The following PIP5K1B variants were observed in gnomAD, a reference collection of about 807,000 sequenced individuals.
The protein encoded by PIP5K1B is phosphatidylinositol 4-phosphate 5-kinase type-1 beta.
Under a neutral mutation model 67.0 loss-of-function variants are expected in PIP5K1B, and 42 were observed. The ratio of observed to expected loss-of-function variants is 0.63; its 90% CI spans 0.49 to 0.81. PIP5K1B has a LOEUF of 0.81. PIP5K1B is among the 30% of genes least tolerant of loss of function. PIP5K1B has a pLI of 0.00. For missense variants in PIP5K1B, 459 were observed against 646.3 expected (o/e 0.71, Z 3.14); for synonymous variants, 214 against 231.4 (o/e 0.92, Z 0.68).
chr9:68,841,480 A>G (rs1188817333), intron 4 of PIP5K1B, among the ~76,000 whole-genome samples: 4 of 152,344 alleles, frequency 2.6e-5, no homozygotes, highest in East Asian at 3.9e-4. Flanking sequence ...TATAGAGTCA[A>G]GTGATCCCTA....
intron 14 of PIP5K1B, 68 bp from the exon 15 acceptor site, chr9:68,991,072 G>A: frequency 1.1e-6 from 1 of 880,550 alleles, no homozygotes; most frequent in South Asian, 1.3e-5. Flanking sequence ...CCCTCTTTAG[G>A]ACTTTGGAGG....
intron 3 of PIP5K1B, among the ~76,000 whole-genome samples, chr9:68,819,579 TATA>T: frequency 6.6e-6 from 1 of 152,346 alleles, no homozygotes; most frequent in Non-Finnish European, 1.5e-5. Flanking sequence ...AACGTAATTA[TATA>T]ATGTTTTTTA....
chr9:68,964,888 G>A (rs760360282), intron 14 of PIP5K1B, among the ~76,000 whole-genome samples: 2 of 152,186 alleles, frequency 1.3e-5, no homozygotes, highest in African/African-American at 4.8e-5. Flanking sequence ...CCTGATAGAC[G>A]GAAAAATAAG....
intron 5 of PIP5K1B, among the ~76,000 whole-genome samples, chr9:68,867,523 C>T (rs1032198149): frequency 1.5e-4 from 23 of 152,312 alleles, no homozygotes; most frequent in African/African-American, 4.1e-4. Flanking sequence ...CAAGACAGTA[C>T]CTTTCAGGAG....
At chr9:68,887,534 C>T (rs1019399196) in intron 6 of PIP5K1B, among the ~76,000 whole-genome samples, 19 of 152,160 alleles carry the variant, frequency 1.2e-4, no homozygotes, top group African/African-American at 3.9e-4. Context: ...ATTTTTAGAT[C>T]TCACAAATAA....
chr9:68,778,084 T>C (rs191261973), intron 2 of PIP5K1B, among the ~76,000 whole-genome samples: 1 of 146,548 alleles, frequency 6.8e-6, no homozygotes, highest in African/African-American at 2.5e-5. Flanking sequence ...GAATTAGCCA[T>C]CCTTCTCTAA....
intron 4 of PIP5K1B, chr9:68,843,181 T>G (rs1185366596): frequency 6.6e-5 from 10 of 152,254 alleles, no homozygotes; most frequent in Admixed American, 2.6e-4. Flanking sequence ...ATCCATTCTT[T>G]ACACAAGCAG....
intron 1 of PIP5K1B, among the ~76,000 whole-genome samples, chr9:68,713,316 T>A (rs1289413332): frequency 1.3e-5 from 2 of 152,136 alleles, no homozygotes; most frequent in Non-Finnish European, 2.9e-5. Flanking sequence ...GGAGAATCGC[T>A]TGAACCCGGG....
chr9:68,864,776 A>C (rs1440318311), intron 5 of PIP5K1B, among the ~76,000 whole-genome samples: 3 of 152,262 alleles, frequency 2.0e-5, no homozygotes, highest in African/African-American at 4.8e-5. Flanking sequence ...CCAGAAAATA[A>C]AAATAAAGAT....
chr9:68,990,863 C>T (rs922954601), intron 14 of PIP5K1B, among the ~76,000 whole-genome samples: 1 of 151,852 alleles, frequency 6.6e-6, no homozygotes, highest in Non-Finnish European at 1.5e-5. Context: ...GGGGTTTCAC[C>T]ATGTTGGCCA....
intron 1 of PIP5K1B, among the ~76,000 whole-genome samples, chr9:68,715,740 G>A (rs964589623): frequency 8.5e-5 from 13 of 152,132 alleles, no homozygotes; most frequent in South Asian, 4.2e-4. Context: ...AATCCTTTTC[G>A]TAAATTCCCA....
chr9:68,977,809 C>T (rs1333037361), intron 14 of PIP5K1B, among the ~76,000 whole-genome samples: 1 of 151,828 alleles, frequency 6.6e-6, no homozygotes, highest in Non-Finnish European at 1.5e-5. Flanking sequence ...TGTGTACCAC[C>T]ACACCCAGCT....
chr9:68,933,865 A>G (rs993601555), intron 12 of PIP5K1B, among the ~76,000 whole-genome samples: 3 of 152,132 alleles, frequency 2.0e-5, no homozygotes, highest in Non-Finnish European at 4.4e-5. Context: ...TCCTTCTCCA[A>G]TTAAGTTCTT....
rs377320189 is a variant in PIP5K1B at position 68,945,551 on chromosome 9, T to C, written c.1502+4761T>C. On this transcript the variant is annotated intron_variant, in intron 14 of 15. Coordinates refer to ENST00000265382, the MANE Select transcript of PIP5K1B (RefSeq NM_003558.4). ...AAAGGCAACTTTTCTATCATAATAT[T>C]AGTCCTACTTCAAACCACCAATAAT... Among the ~76,000 whole-genome samples the C allele has an allele frequency of 1.4e-4, 21 of 152,362 alleles. No homozygotes were observed. In the East Asian group the frequency reaches 3.3e-3, roughly 24 times the overall value.
intron 14 of PIP5K1B, among the ~76,000 whole-genome samples, chr9:68,964,903 TTA>T (rs2132774472): frequency 6.6e-6 from 1 of 152,312 alleles, no homozygotes; most frequent in East Asian, 1.9e-4. Context: ...AATAAGCCTG[TTA>T]TATGTGTACA....
intron 14 of PIP5K1B, among the ~76,000 whole-genome samples, chr9:68,980,549 TCCTGTTTGCTTATCCCAAAGAG>T (rs1376769436): frequency 6.6e-6 from 1 of 152,214 alleles, no homozygotes; most frequent in African/African-American, 2.4e-5. Flanking sequence ...CTGTTGATAC[TCCTGTTTGCTTATCCCAAAGAG>T]CTTTACCCTC....
intron 8 of PIP5K1B, among the ~76,000 whole-genome samples, chr9:68,915,188 G>C (rs1826034569): frequency 6.6e-6 from 1 of 152,162 alleles, no homozygotes; most frequent in Admixed American, 6.5e-5. Flanking sequence ...AGGTCACAGA[G>C]TCCATGCTCT....
intron 6 of PIP5K1B, among the ~76,000 whole-genome samples, chr9:68,888,777 A>G (rs780186092): frequency 1.8e-4 from 28 of 152,138 alleles, no homozygotes; most frequent in Non-Finnish European, 3.5e-4. Flanking sequence ...GTTTTTCATC[A>G]TAGAATTATT....
intron 2 of PIP5K1B, among the ~76,000 whole-genome samples, chr9:68,787,977 C>T (rs763831535): frequency 3.3e-5 from 5 of 152,164 alleles, no homozygotes; most frequent in African/African-American, 7.2e-5. Context: ...AGAAGTCTTT[C>T]GTCAGCTTTA....
Sources: allele counts gnomAD v4.1 joint callset (sites outside exome capture counted in the v4.1 genomes callset), GRCh38; gene constraint gnomAD v4.1.1; transcripts MANE v1.5; gene names NCBI Gene and HGNC (gene_info 2026-07-23, HGNC 2026-07-21).